The following CLASP2 variants were observed in gnomAD, a reference collection of about 807,000 sequenced individuals.
The protein encoded by CLASP2 is CLIP-associating protein 2.
CLASP2 carries 47 observed loss-of-function variants against 194.4 expected under a neutral mutation model. The ratio of observed to expected loss-of-function variants is 0.24; its 90% CI spans 0.19 to 0.31. The LOEUF (loss-of-function observed/expected upper bound fraction) is 0.31, where lower values mean the gene tolerates loss of function less well. CLASP2 is among the 10% of genes least tolerant of loss of function. The pLI is 1.00. For synonymous variants in CLASP2, 619 were observed against 633.5 expected (o/e 0.98, Z 0.34); for missense variants, 1,445 against 1,823.6 (o/e 0.79, Z 3.78).
chr3:33,510,873 G>T, intron 36 of CLASP2, 109 bp from the exon 37 acceptor site: 1 of 999,184 alleles, frequency 1.0e-6, no homozygotes, highest in Non-Finnish European at 1.5e-6. Context: ...AATTTGCTTT[G>T]AAAATGCTAC....
intron 34 of CLASP2, among the ~76,000 whole-genome samples, chr3:33,531,119 C>CA (rs1319652394): frequency 6.6e-6 from 1 of 152,082 alleles, no homozygotes; most frequent in Non-Finnish European, 1.5e-5. Flanking sequence ...ATTTTAATGG[C>CA]ATAAAGACAG....
intron 34 of CLASP2, among the ~76,000 whole-genome samples, chr3:33,533,337 T>G (rs2056709826): frequency 1.3e-5 from 2 of 152,206 alleles, no homozygotes; most frequent in Non-Finnish European, 2.9e-5. Context: ...CTTATGCAAT[T>G]TGGACTTAGT....
intron 37 of CLASP2, 74 bp downstream of exon 37, chr3:33,510,484 T>A: frequency 7.3e-7 from 1 of 1,371,530 alleles, no homozygotes; most frequent in Admixed American, 1.8e-5. Flanking sequence ...CCAGTAATGA[T>A]GCCTGGAAAG....
chr3:33,540,591 G>A (rs1040280109), intron 32 of CLASP2, among the ~76,000 whole-genome samples: 18 of 151,998 alleles, frequency 1.2e-4, no homozygotes, highest in African/African-American at 4.3e-4. Flanking sequence ...AACTGAAGCT[G>A]GAATTTAGCT....
intron 34 of CLASP2, among the ~76,000 whole-genome samples, chr3:33,521,820 T>G (rs889872087): frequency 6.6e-6 from 1 of 152,164 alleles, no homozygotes; most frequent in African/African-American, 2.4e-5. Flanking sequence ...AGGTCTTGGA[T>G]GGTAAAGTGT....
chr3:33,678,284 C>T (rs1188526926), intron 6 of CLASP2, among the ~76,000 whole-genome samples: 2 of 151,800 alleles, frequency 1.3e-5, no homozygotes, highest in African/African-American at 2.4e-5. Flanking sequence ...GAACACCAAG[C>T]AGAACAAATG....
intron 7 of CLASP2, chr3:33,659,094 C>T: frequency 6.7e-7 from 1 of 1,500,588 alleles, no homozygotes; most frequent in Admixed American, 2.2e-5. Flanking sequence ...CTGCAGACAC[C>T]CGGAGCACTG....
chr3:33,632,145 C>G, intron 9 of CLASP2, 147 bp downstream of exon 9: 1 of 490,778 alleles, frequency 2.0e-6, no homozygotes, highest in Non-Finnish European at 3.6e-6. Context: ...ATTGTACCAA[C>G]AAATAATGGC....
Position 33,584,833 on chromosome 3 carries a change from T to C in CLASP2, c.2156A>G (p.Asn719Ser), listed in dbSNP as rs938232578. The C allele has an allele frequency of 1.2e-5, 19 of 1,613,758 alleles. No individual in the cohort carries two copies. Among genetic ancestry groups the C allele is most frequent in the Middle Eastern group, 3.3e-4 (2 of 6,082 alleles). ...GCTTCTTTTTTGTGCTGAGGCTGAA[T>C]TGACCAGGACTCTTTGAACACCAGA... ...VSSGVQRVLV[N>S]SASAQKRSKI... is the part of the protein sequence containing the mutation. The change falls in exon 22 of 39, where the codon AAT (asparagine) becomes AGT (serine). Residue 719 changes from asparagine to serine, a missense_variant. Asn to Ser is a conservative substitution (Grantham distance 46). Around this residue, in one of 4 missense-constraint regions of CLASP2, gnomAD observed 732 missense variants for 987.9 expected, o/e 0.74. Coordinates refer to ENST00000682230, the MANE Select transcript of CLASP2 (RefSeq NM_001365631.1).
intron 18 of CLASP2, among the ~76,000 whole-genome samples, chr3:33,602,247 C>CA (rs1355109588): frequency 6.6e-6 from 1 of 152,070 alleles, no homozygotes; most frequent in Non-Finnish European, 1.5e-5. Flanking sequence ...CTCCTGACCT[C>CA]AGGTGATCTG....
chr3:33,690,855 G>A (rs905373994), intron 2 of CLASP2, among the ~76,000 whole-genome samples: 5 of 152,172 alleles, frequency 3.3e-5, no homozygotes, highest in African/African-American at 1.2e-4. Flanking sequence ...AAAACACATC[G>A]CATGTATAGC....
chr3:33,690,973 T>C (rs919567823), intron 2 of CLASP2, among the ~76,000 whole-genome samples: 6 of 151,978 alleles, frequency 3.9e-5, no homozygotes, highest in African/African-American at 1.5e-4. Flanking sequence ...TCATAAAGAG[T>C]GCACAATCTA....
At chr3:33,679,957 A>C (rs891159670) in intron 6 of CLASP2, among the ~76,000 whole-genome samples, 6 of 152,348 alleles carry the variant, frequency 3.9e-5, no homozygotes, top group Admixed American at 3.9e-4. Context: ...TTTGTTCATA[A>C]TTGCCAAAAC....
chr3:33,537,728 T>TA (rs1258163142), intron 33 of CLASP2, among the ~76,000 whole-genome samples: 2 of 152,002 alleles, frequency 1.3e-5, no homozygotes, highest in Non-Finnish European at 2.9e-5. Context: ...GCCACATTAT[T>TA]AAAAAAACAA....
intron 32 of CLASP2, among the ~76,000 whole-genome samples, chr3:33,540,045 C>A (rs569212453): frequency 9.2e-5 from 14 of 151,746 alleles, no homozygotes; most frequent in African/African-American, 2.9e-4. Flanking sequence ...AGCCTCACCT[C>A]AGCCTCCCGA....
At chr3:33,626,237 C>A (rs568085857) in intron 10 of CLASP2, among the ~76,000 whole-genome samples, 15 of 152,150 alleles carry the variant, frequency 9.9e-5, no homozygotes, top group Admixed American at 9.8e-4. Context: ...TGATTTAATT[C>A]ATCAAAATAG....
At chr3:33,617,084 TAA>T (rs78356707) in intron 12 of CLASP2, among the ~76,000 whole-genome samples, 10 of 130,502 alleles carry the variant, frequency 7.7e-5, no homozygotes, top group East Asian at 2.1e-4. Flanking sequence ...TCTACAATCT[TAA>T]AAAAAAAAAA....
chr3:33,696,985 AT>A lies in CLASP2; in HGVS notation c.196-53del, dbSNP rs1488142285. On this transcript the variant is annotated intron_variant, in intron 1 of 38. Coordinates refer to ENST00000682230, the MANE Select transcript of CLASP2 (RefSeq NM_001365631.1). ...ATATAAATTACTGATGCATACTTTA[AT>A]ATCAGTATTTAATTTTTGACATATA... The A allele has an allele frequency of 7.6e-6, 7 of 925,082 alleles. No individual in the cohort carries two copies. In the African/African-American group the frequency reaches 1.2e-4, roughly 16 times the overall value. 57.3% of individuals were successfully genotyped at this position (925,082 alleles called of 1,614,324 possible).
intron 26 of CLASP2, among the ~76,000 whole-genome samples, chr3:33,568,938 C>T (rs2063278177): frequency 6.6e-6 from 1 of 152,148 alleles, no homozygotes; most frequent in African/African-American, 2.4e-5. Context: ...AGGATGGTGA[C>T]ATGTCTAGTA....
Sources: gnomAD v4.1 joint callset for allele counts (sites outside exome capture counted in the v4.1 genomes callset) on GRCh38, gnomAD v4.1.1 for gene constraint, gnomAD v4.1.1 regional missense constraint, MANE v1.5 for transcripts, NCBI Gene and HGNC (gene_info 2026-07-23, HGNC 2026-07-21) for gene names.